The following FCHSD2 variants were observed in gnomAD, a reference collection of about 807,000 sequenced individuals.
The protein encoded by FCHSD2 is F-BAR and double SH3 domains protein 2.
Under a neutral mutation model 108.1 loss-of-function variants are expected in FCHSD2, and 38 were observed. The ratio of observed to expected loss-of-function variants is 0.35; its 90% CI spans 0.27 to 0.46. The LOEUF (loss-of-function observed/expected upper bound fraction) is 0.46, where lower values mean the gene tolerates loss of function less well. FCHSD2 is among the 20% of genes least tolerant of loss of function. The pLI, the probability that FCHSD2 is intolerant of heterozygous loss-of-function variation, is 1.00. For synonymous variants in FCHSD2, 279 were observed against 314.7 expected, an observed-to-expected ratio of 0.89 and a Z score of 1.20; for missense variants, 751 against 897.8, an observed-to-expected ratio of 0.84 and a Z score of 2.09.
At chr11:73,039,689 C>T (rs1047815192) in intron 3 of FCHSD2, among the ~76,000 whole-genome samples, 2 of 152,122 alleles carry the variant, frequency 1.3e-5, no homozygotes, top group African/African-American at 4.8e-5. Context: ...TTCCTAAATT[C>T]ACAGGTGAGT....
At chr11:72,984,025 C>A in intron 8 of FCHSD2, 63 bp downstream of exon 8, 2 of 1,386,240 alleles carry the variant, frequency 1.4e-6, no homozygotes, top group African/African-American at 1.4e-5. Context: ...AACCCAACAC[C>A]CAACTTAAGT....
At chr11:73,016,831 C>A (rs1361842453) in intron 3 of FCHSD2, among the ~76,000 whole-genome samples, 1 of 152,122 alleles carries the variant, frequency 6.6e-6, no homozygotes, top group African/African-American at 2.4e-5. Flanking sequence ...CTACACAACA[C>A]AAATCTGGAT....
In FCHSD2 at chr11:73,037,463, C is replaced by T. The variant is rs149806975; in HGVS notation, c.166-21578G>A. ...CTTCCCCTTCATCCTCAACTTCTGG[C>T]AACTACTGATCTTTTTACTATCTCA... On this transcript the variant is annotated intron_variant, in intron 3 of 19. Transcript: ENST00000409418. Among the ~76,000 whole-genome samples, 938 of 152,296 alleles carry T rather than the reference C, an allele frequency of 6.2e-3. 6 individuals are homozygous for T. The highest frequency in any genetic ancestry group is 0.014 in the South Asian group (68 of 4,830).
At chr11:73,050,974 GT>G (rs1858885083) in intron 3 of FCHSD2, among the ~76,000 whole-genome samples, 1 of 152,184 alleles carries the variant, frequency 6.6e-6, no homozygotes, top group African/African-American at 2.4e-5. Flanking sequence ...CATTTAGAAA[GT>G]TTTAAGCAAT....
chr11:73,128,100 T>C (rs1860902365), intron 2 of FCHSD2, among the ~76,000 whole-genome samples: 1 of 150,472 alleles, frequency 6.6e-6, no homozygotes, highest in African/African-American at 2.5e-5. Context: ...AAGACTGAAG[T>C]GGTAAGATTG....
At chr11:73,001,234 G>T in intron 4 of FCHSD2, 100 bp from the exon 5 acceptor site, 1 of 959,924 alleles carries the variant, frequency 1.0e-6, no homozygotes, top group Non-Finnish European at 1.6e-6. Flanking sequence ...ATAAATGAAT[G>T]TCTTCTTTAA....
At chr11:72,989,811 G>C (rs1857376968) in intron 5 of FCHSD2, among the ~76,000 whole-genome samples, 1 of 152,168 alleles carries the variant, frequency 6.6e-6, no homozygotes, top group South Asian at 2.1e-4. Flanking sequence ...AAACCAATTA[G>C]AAGTTTCACC....
chr11:73,041,007 C>T (rs1200869819), intron 3 of FCHSD2, among the ~76,000 whole-genome samples: 3 of 152,090 alleles, frequency 2.0e-5, no homozygotes, highest in Non-Finnish European at 4.4e-5. Flanking sequence ...TGGCTTATTT[C>T]GCTTAACATA....
At chr11:72,886,466 G>A (rs570619426) in intron 12 of FCHSD2, among the ~76,000 whole-genome samples, 1 of 152,044 alleles carries the variant, frequency 6.6e-6, no homozygotes, top group South Asian at 2.1e-4. Flanking sequence ...GTGGCCTCTG[G>A]GTTCTTCAAC....
At chr11:72,963,718 A>G (rs1856856342) in intron 8 of FCHSD2, among the ~76,000 whole-genome samples, 1 of 152,160 alleles carries the variant, frequency 6.6e-6, no homozygotes, top group African/African-American at 2.4e-5. Flanking sequence ...GATTCTTCAC[A>G]TGCGCAGTTC....
In FCHSD2 at chr11:72,944,956, G is replaced by A. The variant is rs566896594; in HGVS notation, c.706-23006C>T. Among the ~76,000 whole-genome samples the A allele has an allele frequency of 3.4e-4, 52 of 152,200 alleles. No homozygotes were observed. The East Asian group carries it at 7.5e-3, about 22-fold the overall frequency. On this transcript the variant is annotated intron_variant, in intron 8 of 19. Coordinates refer to ENST00000409418, the MANE Select transcript of FCHSD2 (RefSeq NM_014824.3). ...CTCACGGGTAGGAAGAATCAATATC[G>A]TGAAAATGGCCATACTGCCCAAGGT...
At chr11:72,968,434 G>C (rs1856952822) in intron 8 of FCHSD2, among the ~76,000 whole-genome samples, 1 of 152,158 alleles carries the variant, frequency 6.6e-6, no homozygotes, top group African/African-American at 2.4e-5. Context: ...CTTACCTGTA[G>C]TTATGTCTTG....
chr11:72,850,445 C>T (rs951009997), intron 13 of FCHSD2, among the ~76,000 whole-genome samples: 23 of 151,300 alleles, frequency 1.5e-4, no homozygotes, highest in Admixed American at 4.6e-4. Flanking sequence ...GGCGTGATCT[C>T]GGCTCACTGC....
chr11:72,940,109 T>A (rs1042116466), intron 8 of FCHSD2, among the ~76,000 whole-genome samples: 5 of 152,180 alleles, frequency 3.3e-5, no homozygotes, highest in African/African-American at 9.7e-5. Context: ...GACTCTCAGG[T>A]CTAATTCCAT....
chr11:73,069,563 T>C (rs896057194), intron 3 of FCHSD2, among the ~76,000 whole-genome samples: 3 of 151,824 alleles, frequency 2.0e-5, no homozygotes, highest in Admixed American at 1.3e-4. Flanking sequence ...AAATAGACAA[T>C]TGGTGAGTTG....
intron 13 of FCHSD2, among the ~76,000 whole-genome samples, chr11:72,851,005 A>T (rs1371972646): frequency 6.6e-6 from 1 of 151,322 alleles, no homozygotes; most frequent in Non-Finnish European, 1.5e-5. Flanking sequence ...AGGCTGAGGC[A>T]AGAGAATTTC....
At chr11:73,099,828 G>A (rs1235899300) in intron 2 of FCHSD2, among the ~76,000 whole-genome samples, 3 of 152,132 alleles carry the variant, frequency 2.0e-5, no homozygotes, top group East Asian at 1.9e-4. Context: ...CAGGAGAGGC[G>A]GCACCACCAT....
At chr11:72,905,189 G>A (rs1263378939) in intron 9 of FCHSD2, among the ~76,000 whole-genome samples, 1 of 152,058 alleles carries the variant, frequency 6.6e-6, no homozygotes, top group Non-Finnish European at 1.5e-5. Context: ...AATTATTGTC[G>A]GCTTGTAGTT....
At chr11:72,970,691 T>A (rs918726344) in intron 8 of FCHSD2, among the ~76,000 whole-genome samples, 2 of 152,164 alleles carry the variant, frequency 1.3e-5, no homozygotes, top group Non-Finnish European at 1.5e-5. Flanking sequence ...CCTGCCGACA[T>A]CCCACTCACA....
Sources: allele counts gnomAD v4.1 joint callset (sites outside exome capture counted in the v4.1 genomes callset), GRCh38; gene constraint gnomAD v4.1.1; transcripts MANE v1.5; gene names NCBI Gene and HGNC (gene_info 2026-07-23, HGNC 2026-07-21).